Variants in PTPRD observed in about 807,000 individuals in gnomAD.
PTPRD encodes the protein protein tyrosine phosphatase receptor type D.
Under a neutral mutation model 214.5 loss-of-function variants are expected in PTPRD, and 34 were observed. The ratio of observed to expected loss-of-function variants is 0.16; its 90% CI spans 0.12 to 0.21. PTPRD has a LOEUF of 0.21. Ranked by LOEUF, PTPRD falls within the 10% of genes least tolerant of loss-of-function variation. PTPRD has a pLI of 1.00. For synonymous variants in PTPRD, 1,128 were observed against 845.7 expected (o/e 1.33, Z -5.79); for missense variants, 2,545 against 2,398.7 (o/e 1.06, Z -1.27).
At chr9:10,197,707 T>G (rs1215466780) in intron 3 of PTPRD, among the ~76,000 whole-genome samples, 5 of 152,078 alleles carry the variant, frequency 3.3e-5, no homozygotes, top group Admixed American at 1.3e-4. Flanking sequence ...AAAAGCAGAG[T>G]CCTGAATGCT....
chr9:9,586,703 G>C (rs116991739), intron 7 of PTPRD, among the ~76,000 whole-genome samples: 1,599 of 152,048 alleles, frequency 0.011, 18 homozygotes, highest in Middle Eastern at 0.027. Flanking sequence ...AATGGAAAGA[G>C]ATATAGTCAG....
intron 4 of PTPRD, among the ~76,000 whole-genome samples, chr9:9,966,100 G>A (rs1372581077): frequency 1.3e-5 from 2 of 152,014 alleles, no homozygotes; most frequent in African/African-American, 2.4e-5. Context: ...CTATGCCCTC[G>A]ACTCTACTGG....
chr9:8,504,475 G>A, intron 22 of PTPRD, 70 bp from the exon 23 acceptor site: 4 of 1,522,880 alleles, frequency 2.6e-6, no homozygotes, highest in Non-Finnish European at 3.6e-6. Flanking sequence ...CATACTGTCT[G>A]GACCATCAGA....
chr9:9,677,340 T>C (rs1315075910), intron 7 of PTPRD, among the ~76,000 whole-genome samples: 1 of 152,094 alleles, frequency 6.6e-6, no homozygotes, highest in Non-Finnish European at 1.5e-5. Flanking sequence ...TTCAGCTTTC[T>C]ACATATGGCT....
intron 14 of PTPRD, among the ~76,000 whole-genome samples, chr9:8,543,633 ATGT>A (rs1355713993): frequency 6.6e-6 from 1 of 152,210 alleles, no homozygotes; most frequent in Non-Finnish European, 1.5e-5. Flanking sequence ...ACATGGGCAC[ATGT>A]TGTCATTTTT....
chr9:10,389,826 C>T (rs1214336922), intron 2 of PTPRD, among the ~76,000 whole-genome samples: 2 of 151,824 alleles, frequency 1.3e-5, no homozygotes, highest in African/African-American at 4.8e-5. Flanking sequence ...TTTTAGCAGT[C>T]ATCTATTCGA....
intron 7 of PTPRD, among the ~76,000 whole-genome samples, chr9:9,659,954 T>C (rs929416165): frequency 1.3e-5 from 2 of 152,074 alleles, no homozygotes; most frequent in African/African-American, 4.8e-5. Flanking sequence ...CATGATTACA[T>C]ATATTACTCT....
chr9:8,470,899 C>T (rs915530685), intron 31 of PTPRD, 96 bp downstream of exon 31: 4 of 1,078,264 alleles, frequency 3.7e-6, no homozygotes, highest in East Asian at 2.4e-5. Flanking sequence ...GAAGCCAGCA[C>T]CCAGATTAGA....
chr9:10,175,999 G>A (rs1004965308), intron 3 of PTPRD, among the ~76,000 whole-genome samples: 1 of 151,876 alleles, frequency 6.6e-6, no homozygotes, highest in East Asian at 1.9e-4. Context: ...ACTGCAAATG[G>A]CTTGTTATTG....
In PTPRD at chr9:8,738,386, T is replaced by A. The variant is rs906404763; in HGVS notation, c.-103-4440A>T. ...ACTATTTTTTCAGCTTTCTATACTG[T>A]TATTTGTGTCTAAATACTGTATTAA... On this transcript the variant is annotated intron_variant, in intron 11 of 45. Coordinates refer to ENST00000381196, the MANE Select transcript of PTPRD (RefSeq NM_002839.4). Among the ~76,000 whole-genome samples, 90 of 152,210 alleles carry A rather than the reference T, an allele frequency of 5.9e-4. 1 individual carries two copies. The highest frequency in any genetic ancestry group is 2.1e-3 in the African/African-American group (87 of 41,474).
At chr9:8,709,742 G>A (rs1396610975) in intron 12 of PTPRD, among the ~76,000 whole-genome samples, 2 of 152,002 alleles carry the variant, frequency 1.3e-5, no homozygotes, top group African/African-American at 4.8e-5. Context: ...AAATCATTTA[G>A]ATCCTAATGG....
intron 3 of PTPRD, among the ~76,000 whole-genome samples, chr9:10,157,367 T>A (rs1040819561): frequency 1.3e-5 from 2 of 152,168 alleles, no homozygotes; most frequent in Non-Finnish European, 2.9e-5. Context: ...CTAAAAGGGA[T>A]CTTATTTCTC....
intron 4 of PTPRD, among the ~76,000 whole-genome samples, chr9:9,990,257 C>G (rs2095867592): frequency 6.6e-6 from 1 of 152,218 alleles, no homozygotes; most frequent in Non-Finnish European, 1.5e-5. Context: ...CCTTTCTTCT[C>G]TCATGGTTTG....
At chr9:9,886,016 A>G (rs2070758909) in intron 5 of PTPRD, among the ~76,000 whole-genome samples, 1 of 152,076 alleles carries the variant, frequency 6.6e-6, no homozygotes, top group Admixed American at 6.6e-5. Flanking sequence ...TTAAAATGAA[A>G]AGGATAAACA....
At chr9:9,806,649 C>T (rs1394720996) in intron 5 of PTPRD, among the ~76,000 whole-genome samples, 1 of 152,088 alleles carries the variant, frequency 6.6e-6, no homozygotes, top group Non-Finnish European at 1.5e-5. Context: ...CCCACTTGCG[C>T]CCAAGTGAAT....
chr9:8,696,826 G>A (rs930884555), intron 12 of PTPRD, among the ~76,000 whole-genome samples: 3 of 152,166 alleles, frequency 2.0e-5, no homozygotes, highest in African/African-American at 7.2e-5. Context: ...TGCTGTAGAA[G>A]GTTCTGAGAA....
Position 9,805,529 on chromosome 9 carries a change from G to T in PTPRD, c.-367-38678C>A, listed in dbSNP as rs558871406. Among the ~76,000 whole-genome samples the T allele has an allele frequency of 6.6e-5, 10 of 152,230 alleles. 1 individual carries two copies. In the South Asian group the frequency reaches 2.1e-3, roughly 32 times the overall value. On this transcript the variant is annotated intron_variant, in intron 5 of 45. Coordinates refer to ENST00000381196, the MANE Select transcript of PTPRD (RefSeq NM_002839.4). ...TTTGCTATCTGAAGGAACCCTTTCA[G>T]ATTAGTTTTACAAAATAAAAAAGTA...
chr9:9,711,058 C>G (rs1191352417), intron 7 of PTPRD, among the ~76,000 whole-genome samples: 1 of 152,008 alleles, frequency 6.6e-6, no homozygotes, highest in East Asian at 1.9e-4. Flanking sequence ...GAGTTGGTTC[C>G]CACCTTGTGC....
chr9:8,957,841 T>G (rs541985635), intron 11 of PTPRD, among the ~76,000 whole-genome samples: 1 of 151,830 alleles, frequency 6.6e-6, no homozygotes, highest in South Asian at 2.1e-4. Flanking sequence ...AGTGCCAGAA[T>G]TATATTTATG....
Sources: allele counts gnomAD v4.1 joint callset (sites outside exome capture counted in the v4.1 genomes callset), GRCh38; gene constraint gnomAD v4.1.1; transcripts MANE v1.5; gene names NCBI Gene and HGNC (gene_info 2026-07-23, HGNC 2026-07-21).